ANKS1B: variants seen among roughly 807,000 people sequenced by gnomAD.
ANKS1B encodes the protein ankyrin repeat and sterile alpha motif domain containing 1B.
ANKS1B carries 36 observed loss-of-function variants against 148.3 expected under a neutral mutation model. The observed-to-expected ratio is 0.24, with a 90% CI of 0.19 to 0.32. The LOEUF (loss-of-function observed/expected upper bound fraction) is 0.32. Among genes scored for constraint, ANKS1B ranks in the 10% least tolerant of loss-of-function variants. The probability of loss-of-function intolerance (pLI) is 1.00; values close to 1 mark genes in which losing one functional copy is unlikely to be tolerated. For missense variants in ANKS1B, 1,157 were observed against 1,542.6 expected (o/e 0.75, Z 4.19); for synonymous variants, 542 against 560.8 (o/e 0.97, Z 0.47).
At chr12:99,584,541 G>A (rs138225470) in intron 9 of ANKS1B, among the ~76,000 whole-genome samples, 304 of 152,240 alleles carry the variant, frequency 2.0e-3, no homozygotes, top group African/African-American at 6.7e-3. Context: ...AGGCTGCAGC[G>A]AGCTGTGACT....
At chr12:99,329,131 G>T (rs1445552210) in intron 12 of ANKS1B, among the ~76,000 whole-genome samples, 2 of 151,924 alleles carry the variant, frequency 1.3e-5, no homozygotes, top group Non-Finnish European at 2.9e-5. Context: ...TGTGTAATTG[G>T]AGTAACTGAA....
At chr12:99,153,380 T>A in intron 15 of ANKS1B, among the ~76,000 whole-genome samples, 1 of 152,282 alleles carries the variant, frequency 6.6e-6, no homozygotes, top group Non-Finnish European at 1.5e-5. Flanking sequence ...CTGTGTTATG[T>A]AGGTCTCTCT....
chr12:99,531,891 C>T (rs1264375760), intron 9 of ANKS1B, among the ~76,000 whole-genome samples: 1 of 152,190 alleles, frequency 6.6e-6, no homozygotes, highest in Non-Finnish European at 1.5e-5. Context: ...TTGAAAATGG[C>T]CATTCTGACT....
At chr12:99,928,266 A>AT (rs1355468782) in intron 1 of ANKS1B, among the ~76,000 whole-genome samples, 4 of 81,098 alleles carry the variant, frequency 4.9e-5, no homozygotes, top group African/African-American at 1.3e-4. Context: ...ATTTTATTTT[A>AT]TTTTATTTTT....
chr12:99,342,970 A>G (rs1047930703), intron 12 of ANKS1B, among the ~76,000 whole-genome samples: 30 of 152,044 alleles, frequency 2.0e-4, no homozygotes, highest in African/African-American at 7.2e-4. Context: ...TTTATTTTTA[A>G]TATATTTTTA....
chr12:99,354,036 T>C (rs1276985656), intron 12 of ANKS1B, among the ~76,000 whole-genome samples: 4 of 152,088 alleles, frequency 2.6e-5, no homozygotes, highest in African/African-American at 9.7e-5. Flanking sequence ...GCACACTGGG[T>C]TCTCTCCTGC....
intron 14 of ANKS1B, among the ~76,000 whole-genome samples, chr12:99,230,954 GCTT>G: frequency 6.6e-6 from 1 of 152,050 alleles, no homozygotes; most frequent in East Asian, 1.9e-4. Flanking sequence ...TTCCCCAGTT[GCTT>G]CTATTAAAAA....
At chr12:98,797,332 C>T (rs1248401702) in intron 22 of ANKS1B, among the ~76,000 whole-genome samples, 4 of 150,696 alleles carry the variant, frequency 2.7e-5, no homozygotes, top group African/African-American at 9.7e-5. Flanking sequence ...ATTCCAGTCT[C>T]AGATTGGCAA....
intron 9 of ANKS1B, among the ~76,000 whole-genome samples, chr12:99,505,014 C>T (rs2096694115): frequency 6.6e-6 from 1 of 152,012 alleles, no homozygotes; most frequent in Non-Finnish European, 1.5e-5. Flanking sequence ...TATAACTCAA[C>T]TTTGGCCCAT....
rs779273289 is a variant in ANKS1B at position 99,825,298 on chromosome 12, G to C, written c.215+11C>G. The C allele has an allele frequency of 3.7e-6, 6 of 1,607,974 alleles. No individual in the cohort carries two copies. The highest frequency in any genetic ancestry group is 4.3e-6 in the Non-Finnish European group (5 of 1,175,932). On this transcript the variant is annotated intron_variant, in intron 2 of 26. Transcript: ENST00000683438. ...AATACACACGATTCCGTCCAAATAA[G>C]TGGCACTTACTTATGTCCATTTAAG...
intron 1 of ANKS1B, among the ~76,000 whole-genome samples, chr12:99,838,184 C>T (rs985856851): frequency 5.9e-5 from 9 of 152,136 alleles, no homozygotes; most frequent in African/African-American, 1.9e-4. Flanking sequence ...TGTTGATGGA[C>T]ACTTAGATTG....
At chr12:99,725,058 A>G (rs2058483453) in intron 8 of ANKS1B, among the ~76,000 whole-genome samples, 1 of 152,208 alleles carries the variant, frequency 6.6e-6, no homozygotes, top group African/African-American at 2.4e-5. Flanking sequence ...AGACACATCA[A>G]AATATAAAGA....
intron 10 of ANKS1B, among the ~76,000 whole-genome samples, chr12:99,455,984 C>T (rs2095841901): frequency 6.6e-6 from 1 of 152,168 alleles, no homozygotes; most frequent in African/African-American, 2.4e-5. Flanking sequence ...GCGCACTTAA[C>T]AAAAATACAA....
At chr12:98,926,643 G>C (rs1402444352) in intron 17 of ANKS1B, among the ~76,000 whole-genome samples, 3 of 151,994 alleles carry the variant, frequency 2.0e-5, no homozygotes, top group Non-Finnish European at 4.4e-5. Flanking sequence ...AAGAATTAAG[G>C]GAAAGTATGA....
chr12:99,548,658 A>T (rs991271910), intron 9 of ANKS1B, among the ~76,000 whole-genome samples: 3 of 152,194 alleles, frequency 2.0e-5, no homozygotes, highest in African/African-American at 7.2e-5. Flanking sequence ...TTTTGAAGCC[A>T]GAAAAAGAGA....
At chr12:99,784,005 C>T (rs1405236389) in intron 4 of ANKS1B, among the ~76,000 whole-genome samples, 1 of 151,812 alleles carries the variant, frequency 6.6e-6, no homozygotes, top group Non-Finnish European at 1.5e-5. Flanking sequence ...ACAATTATGA[C>T]ATGCAATTAA....
intron 16 of ANKS1B, among the ~76,000 whole-genome samples, chr12:99,060,110 A>G (rs2041891801): frequency 6.6e-6 from 1 of 152,162 alleles, no homozygotes; most frequent in Non-Finnish European, 1.5e-5. Flanking sequence ...AATTAGTTGA[A>G]TTCCAAAGTC....
At chr12:99,646,324 A>G (rs1166685079) in intron 9 of ANKS1B, among the ~76,000 whole-genome samples, 1 of 152,152 alleles carries the variant, frequency 6.6e-6, no homozygotes, top group Non-Finnish European at 1.5e-5. Flanking sequence ...ACATTTCAAT[A>G]TGAAAGGAAG....
chr12:99,785,572 T>G (rs1232249920), intron 4 of ANKS1B, among the ~76,000 whole-genome samples: 3 of 152,046 alleles, frequency 2.0e-5, no homozygotes, highest in Non-Finnish European at 2.9e-5. Flanking sequence ...TAGCTGAGAT[T>G]AAGGCATGCG....
Sources: gnomAD v4.1 joint callset for allele counts (sites outside exome capture counted in the v4.1 genomes callset) on GRCh38, gnomAD v4.1.1 for gene constraint, MANE v1.5 for transcripts, NCBI Gene and HGNC (gene_info 2026-07-23, HGNC 2026-07-21) for gene names.